Variants in ASPRV1 observed in about 807,000 individuals in gnomAD.
ASPRV1 encodes the protein aspartic peptidase retroviral like 1.
ASPRV1 carries 7 observed loss-of-function variants against 11.0 expected under a neutral mutation model. That is an observed-to-expected ratio of 0.64 (90% CI 0.36 to 1.20). The LOEUF is 1.20. ASPRV1 is among the 50% of genes most tolerant of loss of function. ASPRV1 has a pLI of 0.02. For synonymous variants in ASPRV1, 136 were observed against 138.4 expected, an observed-to-expected ratio of 0.98 and a Z score of 0.12; for missense variants, 299 against 320.0, an observed-to-expected ratio of 0.93 and a Z score of 0.50.
At chr2:69,988,334 G>A in the ASPRV1 span, 164 of 158,206 alleles carry the variant, frequency 1.0e-3, no homozygotes, top group South Asian at 0.018. Context: ...TTATTCAGCC[G>A]TAAAAAGCAA....
the ASPRV1 span, among the ~76,000 whole-genome samples, chr2:70,059,187 G>A: frequency 3.3e-5 from 5 of 151,112 alleles, no homozygotes; most frequent in South Asian, 2.1e-4. Flanking sequence ...CACCGTGCCT[G>A]GCCCACCAAC....
the ASPRV1 span, among the ~76,000 whole-genome samples, chr2:70,002,861 C>A: frequency 6.6e-6 from 1 of 152,204 alleles, no homozygotes; most frequent in Non-Finnish European, 1.5e-5. Context: ...AGCTCCCCCT[C>A]GTCCTTCTGA....
chr2:69,937,171 CG>C, the ASPRV1 span: 1 of 1,587,904 alleles, frequency 6.3e-7, no homozygotes, highest in Non-Finnish European at 8.6e-7. Context: ...AGGGAAGATG[CG>C]GGGGCCATTG....
chr2:69,967,820 C>T, the ASPRV1 span, among the ~76,000 whole-genome samples: 1 of 152,192 alleles, frequency 6.6e-6, no homozygotes, highest in South Asian at 2.1e-4. Context: ...GTGGCTCATG[C>T]CTGTAATCCC....
At chr2:70,028,917 G>A in the ASPRV1 span, among the ~76,000 whole-genome samples, 5 of 151,924 alleles carry the variant, frequency 3.3e-5, no homozygotes, top group African/African-American at 1.2e-4. Context: ...ACTCCAGCCT[G>A]GGCGACAGAG....
At chr2:70,081,147 C>CAT in the ASPRV1 span, 1 of 152,182 alleles carries the variant, frequency 6.6e-6, no homozygotes, top group Admixed American at 6.5e-5. Flanking sequence ...GGGTCACCAG[C>CAT]ATATGAGGTC....
chr2:70,037,581 G>A, the ASPRV1 span, among the ~76,000 whole-genome samples: 2 of 152,080 alleles, frequency 1.3e-5, no homozygotes, highest in Non-Finnish European at 2.9e-5. Context: ...TATATGCTTT[G>A]TTAGTCACAT....
the ASPRV1 span, among the ~76,000 whole-genome samples, chr2:69,952,001 T>G: frequency 6.6e-6 from 1 of 152,242 alleles, no homozygotes; most frequent in Admixed American, 6.5e-5. Context: ...CTTGCCTTGC[T>G]CTGTTTATAA....
At position 69,960,594 on chromosome 2, in the gene ASPRV1, A is replaced by T. The variant is rs1313495154; in HGVS notation, c.*63T>A. 1 of 1,470,628 alleles carries T rather than the reference A, an allele frequency of 6.8e-7. No homozygotes were observed. The highest frequency in any genetic ancestry group is 1.3e-5 in the South Asian group (1 of 77,276). The allele number at this position is 1,470,628 out of a possible 1,614,324, so 91.1% of individuals were successfully genotyped here. On this transcript the variant is annotated 3_prime_UTR_variant, in exon 1 of 1. Coordinates refer to ENST00000320256, the MANE Select transcript of ASPRV1 (RefSeq NM_152792.4). The stretch of plus-strand genomic sequence containing the variant: ...CCCAGTGACCCCCATGAGGATATGC[A>T]ACCCCCCCCACAGCGGTGGGTCTTC...
chr2:69,968,544 A>C, the ASPRV1 span: 1 of 152,356 alleles, frequency 6.6e-6, no homozygotes, highest in African/African-American at 2.4e-5. Flanking sequence ...CAAACACAAA[A>C]AAAACTGGTC....
the ASPRV1 span, among the ~76,000 whole-genome samples, chr2:70,062,592 C>T: frequency 2.6e-5 from 4 of 152,130 alleles, no homozygotes; most frequent in East Asian, 7.7e-4. Context: ...AATTAGAGTA[C>T]TATGTAAAGC....
the ASPRV1 span, among the ~76,000 whole-genome samples, chr2:69,970,034 C>T: frequency 1.7e-4 from 26 of 152,154 alleles, no homozygotes; most frequent in African/African-American, 6.3e-4. Flanking sequence ...ACCTGGCTCT[C>T]TGTGTTCTTT....
the ASPRV1 span, among the ~76,000 whole-genome samples, chr2:70,002,321 A>G: frequency 6.6e-6 from 1 of 152,148 alleles, no homozygotes; most frequent in Non-Finnish European, 1.5e-5. Flanking sequence ...TTGCCTCCTC[A>G]ATTTGCTGTG....
the ASPRV1 span, among the ~76,000 whole-genome samples, chr2:70,068,456 T>A: frequency 6.6e-6 from 1 of 152,150 alleles, no homozygotes; most frequent in Non-Finnish European, 1.5e-5. Flanking sequence ...CTGCATTCTG[T>A]GAGTCTGGCT....
chr2:69,951,481 G>GTA, the ASPRV1 span, among the ~76,000 whole-genome samples: 3 of 89,680 alleles, frequency 3.3e-5, no homozygotes, highest in Admixed American at 1.2e-4. Flanking sequence ...GTGTGTGTGT[G>GTA]TGTATATCTA....
At chr2:69,941,882 ACACATAT>A in the ASPRV1 span, 1 of 152,124 alleles carries the variant, frequency 6.6e-6, no homozygotes, top group African/African-American at 2.4e-5. Context: ...ACACACACAC[ACACATAT>A]TATTATTTAG....
chr2:69,992,832 C>T, the ASPRV1 span, among the ~76,000 whole-genome samples: 1 of 152,160 alleles, frequency 6.6e-6, no homozygotes, highest in African/African-American at 2.4e-5. Flanking sequence ...AAAATGTCAA[C>T]AATAGGATGT....
At chr2:69,982,471 T>C in the ASPRV1 span, among the ~76,000 whole-genome samples, 1 of 152,076 alleles carries the variant, frequency 6.6e-6, no homozygotes, top group Non-Finnish European at 1.5e-5. Context: ...ATAAGTTTTC[T>C]AAGATTTTTA....
the ASPRV1 span, chr2:69,993,535 C>G: frequency 5.8e-4 from 89 of 152,198 alleles, 3 homozygotes; most frequent in Admixed American, 5.8e-3. Context: ...CTCCAAGGTC[C>G]TGTGAGAAGC....
Sources: allele counts gnomAD v4.1 joint callset (sites outside exome capture counted in the v4.1 genomes callset), GRCh38; gene constraint gnomAD v4.1.1; transcripts MANE v1.5; gene names NCBI Gene and HGNC (gene_info 2026-07-23, HGNC 2026-07-21).